Variants in SMN1 observed in about 807,000 individuals in gnomAD.
SMN1 encodes the protein survival motor neuron protein.
For synonymous variants in SMN1, 3 were observed against 5.1 expected (o/e 0.58, Z 0.56); for missense variants, 15 against 17.1 (o/e 0.88, Z 0.22).
At chr5:70,954,711 G>A (rs1749853596), downstream of SMN1, among the ~76,000 whole-genome samples, 1 of 50,954 alleles carries the variant, frequency 2.0e-5, no homozygotes, top group African/African-American at 4.9e-5. Flanking sequence ...AAATTAGCCC[G>A]GCATGGTGGC....
downstream of SMN1, among the ~76,000 whole-genome samples, chr5:70,955,077 G>A (rs1351683368): frequency 7.0e-6 from 1 of 143,036 alleles, no homozygotes; most frequent in African/African-American, 2.6e-5. Flanking sequence ...GCAAGGCATG[G>A]TGGTGCATGC....
At chr5:70,955,345 AT>A (rs1749879366), downstream of SMN1, among the ~76,000 whole-genome samples, 1 of 143,364 alleles carries the variant, frequency 7.0e-6, no homozygotes, top group African/African-American at 2.6e-5. Context: ...GGTTCAAGCC[AT>A]TCTCCCACCT....
chr5:70,959,284 A>G, the SMN1 span, among the ~76,000 whole-genome samples: 1 of 150,276 alleles, frequency 6.7e-6, no homozygotes, highest in African/African-American at 2.4e-5. Flanking sequence ...GAGGGATAGC[A>G]TTAGGAGATA....
chr5:70,950,974 A>C (rs1330839171), intron 7 of SMN1, among the ~76,000 whole-genome samples: 1 of 151,796 alleles, frequency 6.6e-6, no homozygotes, highest in African/African-American at 2.4e-5. Context: ...GGGTTTCTCC[A>C]TGTTGGTCAG....
chr5:70,950,017 GA>G (rs1255275590), intron 7 of SMN1, among the ~76,000 whole-genome samples: 5 of 140,886 alleles, frequency 3.5e-5, no homozygotes, highest in African/African-American at 5.5e-5. Context: ...GCGGTGAGCC[GA>G]GATCACCTCA....
intron 8 of SMN1, 104 bp downstream of exon 8, chr5:70,952,098 G>T: frequency 6.3e-7 from 1 of 1,584,706 alleles, no homozygotes; most frequent in Non-Finnish European, 8.6e-7. Context: ...ATGTTAAAAA[G>T]TTGAAAGGTT....
At chr5:70,951,674 CT>C (rs1405198985) in intron 7 of SMN1, among the ~76,000 whole-genome samples, 4 of 148,430 alleles carry the variant, frequency 2.7e-5, no homozygotes, top group Admixed American at 6.9e-5. Flanking sequence ...AGTGATCCCC[CT>C]ACCTCCGCCT....
the SMN1 span, among the ~76,000 whole-genome samples, chr5:70,964,125 AT>A: frequency 1.5e-5 from 2 of 130,548 alleles, no homozygotes; most frequent in Admixed American, 7.8e-5. Flanking sequence ...ACCTCAAGTG[AT>A]TCACCCACCT....
rs529177121 is a variant in SMN1 at position 70,943,815 on chromosome 5, G to A, written c.628-843G>A. On this transcript the variant is annotated intron_variant, in intron 5 of 8. Transcript: ENST00000380707. Reference sequence around the variant, plus strand: ...AATTTTTTTTTTTTTTCGAGATGGAGTCTTGCTCTGTCGCTCAGGCTGGAG... The same window carrying A: ...AATTTTTTTTTTTTTTCGAGATGGAATCTTGCTCTGTCGCTCAGGCTGGAG... Among the ~76,000 whole-genome samples the A allele has an allele frequency of 2.9e-3, 425 of 144,852 alleles. 4 individuals are homozygous for A. Among genetic ancestry groups the A allele is most frequent in the African/African-American group, 0.01 (415 of 40,936 alleles).
At position 70,950,192 on chromosome 5, in the gene SMN1, T is replaced by C. The variant is rs1187561321; in HGVS notation, c.835-1749T>C. ...CAACACTTTGGGAGGCCAAGGCGGG[T>C]GAATCACCTGAAGTCGGGAGTTCCA... On this transcript the variant is annotated intron_variant, in intron 7 of 8. Transcript: ENST00000380707. Among the ~76,000 whole-genome samples the C allele has an allele frequency of 2.8e-4, 41 of 148,628 alleles. 1 individual carries two copies. Among genetic ancestry groups the C allele is most frequent in the South Asian group, 1.0e-3 (5 of 4,772 alleles).
chr5:70,956,174 G>GT (rs1221891462), downstream of SMN1, among the ~76,000 whole-genome samples: 1 of 148,660 alleles, frequency 6.7e-6, no homozygotes, highest in African/African-American at 2.5e-5. Flanking sequence ...GGGGTTGTCT[G>GT]TTTTTTTCTT....
Position 70,950,417 on chromosome 5 carries a change from C to CA in SMN1, c.835-1514dup, listed in dbSNP as rs567115648. ...GGGCAACAAGAGCGAAACTCCGTCT[C>CA]AAAAAAAAAAGGAAGAAAAATATTT... is the stretch of plus-strand genomic sequence containing the variant. On this transcript the variant is annotated intron_variant, in intron 7 of 8. Coordinates refer to ENST00000380707, the MANE Select transcript of SMN1 (RefSeq NM_000344.4). Among the ~76,000 whole-genome samples, 208 of 136,992 alleles carry CA rather than the reference C, an allele frequency of 1.5e-3. 3 individuals are homozygous for CA. The highest frequency in any genetic ancestry group is 4.6e-3 in the African/African-American group (173 of 37,766). The allele number at this position is 136,992 out of a possible 152,430, so 89.9% of individuals were successfully genotyped here.
chr5:70,943,871 T>C (rs1749472371), intron 5 of SMN1, among the ~76,000 whole-genome samples: 2 of 140,664 alleles, frequency 1.4e-5, no homozygotes, highest in African/African-American at 5.0e-5. Flanking sequence ...TCACTGCAAC[T>C]TCCACCTCCT....
chr5:70,963,878 C>CT, the SMN1 span, among the ~76,000 whole-genome samples: 478 of 69,306 alleles, frequency 6.9e-3, 4 homozygotes, highest in African/African-American at 0.02. Context: ...AAGTTTCAAA[C>CT]TTTTTTTTTT....
At chr5:70,959,127 A>G in the SMN1 span, among the ~76,000 whole-genome samples, 1 of 150,024 alleles carries the variant, frequency 6.7e-6, no homozygotes, top group South Asian at 2.1e-4. Context: ...GAAATTGGAA[A>G]TCATCATTCT....
At chr5:70,952,117 A>G (rs542796385) in intron 8 of SMN1, 123 bp downstream of exon 8, 2 of 1,541,776 alleles carry the variant, frequency 1.3e-6, no homozygotes, top group East Asian at 4.6e-5. Context: ...TTAATGTAAA[A>G]CAATCAATAT....
At chr5:70,955,165 T>C (rs1202862132), downstream of SMN1, among the ~76,000 whole-genome samples, 16 of 146,670 alleles carry the variant, frequency 1.1e-4, no homozygotes, top group Non-Finnish European at 2.2e-4. Context: ...TAATGAGCCA[T>C]GTTCACACCA....
downstream of SMN1, among the ~76,000 whole-genome samples, chr5:70,958,812 T>A (rs916289947): frequency 7.3e-5 from 11 of 150,246 alleles, 1 homozygote; most frequent in Admixed American, 7.4e-4. Context: ...TGGAGAGTTC[T>A]GTAAACTGGT....
downstream of SMN1, among the ~76,000 whole-genome samples, chr5:70,955,353 A>C: frequency 1.4e-5 from 2 of 142,370 alleles, no homozygotes; most frequent in African/African-American, 2.6e-5. Context: ...CCATTCTCCC[A>C]CCTCGGGCTC....
Sources: allele counts gnomAD v4.1 joint callset (sites outside exome capture counted in the v4.1 genomes callset), GRCh38; gene constraint gnomAD v4.1.1; transcripts MANE v1.5; gene names NCBI Gene and HGNC (gene_info 2026-07-23, HGNC 2026-07-21).